N4BP2: variants seen among roughly 807,000 people sequenced by gnomAD.
The protein encoded by N4BP2 is NEDD4-binding protein 2.
N4BP2 carries 91 observed loss-of-function variants against 152.8 expected under a neutral mutation model. That is an observed-to-expected ratio of 0.60 (90% confidence interval 0.50 to 0.71). The LOEUF is 0.71. Ranked by LOEUF, N4BP2 falls within the 30% of genes least tolerant of loss-of-function variation. The pLI is 0.00. For synonymous variants in N4BP2, 646 were observed against 705.3 expected (o/e 0.92, Z 1.33); for missense variants, 1,923 against 2,059.1 (o/e 0.93, Z 1.28).
chr4:40,147,541 C>T (rs1320471309), intron 16 of N4BP2, among the ~76,000 whole-genome samples: 2 of 147,560 alleles, frequency 1.4e-5, no homozygotes, highest in East Asian at 4.2e-4. Context: ...CGGGCAGAGG[C>T]GCCCCCCACC....
intron 1 of N4BP2, among the ~76,000 whole-genome samples, chr4:40,060,609 T>A (rs1244242616): frequency 6.6e-6 from 1 of 151,872 alleles, no homozygotes; most frequent in Non-Finnish European, 1.5e-5. Flanking sequence ...TAGATTTTTT[T>A]TTTTTTTTTT....
chr4:40,148,317 G>A (rs756399782), intron 16 of N4BP2, among the ~76,000 whole-genome samples: 2 of 152,178 alleles, frequency 1.3e-5, no homozygotes, highest in African/African-American at 2.4e-5. Flanking sequence ...CACGCATGGC[G>A]GCGCGCGCCT....
At chr4:40,150,388 T>A (rs1452981481) in intron 16 of N4BP2, among the ~76,000 whole-genome samples, 1 of 152,122 alleles carries the variant, frequency 6.6e-6, no homozygotes, top group African/African-American at 2.4e-5. Context: ...TAGGATAGGC[T>A]GGGTGTGATG....
At chr4:40,093,593 T>C (rs1650586604) in intron 2 of N4BP2, among the ~76,000 whole-genome samples, 1 of 150,714 alleles carries the variant, frequency 6.6e-6, no homozygotes, top group South Asian at 2.1e-4. Context: ...TTGTATTATT[T>C]ATTTATTTAT....
rs148202030 is a variant in N4BP2, at chr4:40,102,442, C to T, written c.597C>T (p.Asn199=). Residue 199 remains asparagine, a synonymous_variant, in exon 4 of 18, where the codon AAC becomes AAT. Transcript: ENST00000261435. ...TTTCTACACAAAATATGAATTTGAA[C>T]GGTGAAAATTTAGAGAATTCTGGTT... is the stretch of plus-strand genomic sequence containing the variant. The part of the protein sequence containing the change: ...PIFSTQNMNL[N]GENLENSGST... 543 of 1,612,706 alleles carry T rather than the reference C, an allele frequency of 3.4e-4. No individual in the cohort carries two copies. In the African/African-American group the frequency reaches 5.8e-3, roughly 17 times the overall value.
At chr4:40,186,011 A>ATCT in the N4BP2 span, among the ~76,000 whole-genome samples, 2 of 152,228 alleles carry the variant, frequency 1.3e-5, no homozygotes, top group South Asian at 4.1e-4. Flanking sequence ...GTACTCCTTT[A>ATCT]TCTTCCCATG....
intron 16 of N4BP2, among the ~76,000 whole-genome samples, chr4:40,151,905 G>A (rs1324348750): frequency 2.0e-5 from 3 of 152,094 alleles, no homozygotes; most frequent in African/African-American, 7.2e-5. Context: ...AGGAGTATTA[G>A]GACAATTTAA....
chr4:40,175,477 C>G, the N4BP2 span, among the ~76,000 whole-genome samples: 1 of 151,986 alleles, frequency 6.6e-6, no homozygotes, highest in African/African-American at 2.4e-5. Context: ...GTCTGGAGAT[C>G]TGATGCAAAA....
chr4:40,171,113 G>A, the N4BP2 span, among the ~76,000 whole-genome samples: 1 of 152,164 alleles, frequency 6.6e-6, no homozygotes, highest in Admixed American at 6.5e-5. Flanking sequence ...AAGGCATTTA[G>A]GTATATTTAG....
At chr4:40,125,607 C>T (rs1321221236) in intron 11 of N4BP2, among the ~76,000 whole-genome samples, 2 of 152,016 alleles carry the variant, frequency 1.3e-5, no homozygotes, top group South Asian at 2.1e-4. Context: ...ACAGCCTGGC[C>T]GGGTGCGGTG....
At chr4:40,158,471 T>C (rs1428295426), downstream of N4BP2, among the ~76,000 whole-genome samples, 1 of 152,164 alleles carries the variant, frequency 6.6e-6, no homozygotes, top group Non-Finnish European at 1.5e-5. Context: ...CCTCACACCC[T>C]GTATCTTTTA....
chr4:40,100,167 C>T (rs913376122), intron 3 of N4BP2: 21 of 438,068 alleles, frequency 4.8e-5, no homozygotes, highest in African/African-American at 6.1e-5. Flanking sequence ...ATGAGAAAAT[C>T]GAGGTTTAGG....
downstream of N4BP2, among the ~76,000 whole-genome samples, chr4:40,159,670 G>A (rs1052182848): frequency 3.9e-5 from 6 of 152,138 alleles, no homozygotes; most frequent in Admixed American, 2.6e-4. Context: ...TAGCTGCGAG[G>A]GAGGCTGGGA....
intron 1 of N4BP2, among the ~76,000 whole-genome samples, chr4:40,064,031 C>G (rs1277999352): frequency 6.6e-6 from 1 of 152,028 alleles, no homozygotes; most frequent in Non-Finnish European, 1.5e-5. Context: ...CTCCTGAGCT[C>G]AAGTGATCCT....
chr4:40,122,165 G>A lies in N4BP2; in HGVS notation c.4054G>A (p.Val1352Ile). The change falls in exon 9 of 18, where the codon GTT becomes ATT. Residue 1352 changes from valine to isoleucine, a missense_variant. Val to Ile is a conservative substitution (Grantham distance 29). Transcript: ENST00000261435. Reference sequence around the variant, plus strand: ...GGCAGGAAGTAGTTTATCAGCTGGAGTTAGTGGGGAAGATAAAACCGAGAT... The same window carrying A: ...GGCAGGAAGTAGTTTATCAGCTGGAATTAGTGGGGAAGATAAAACCGAGAT... Reference protein sequence around the residue: ...LMAGSSLSAGVSGEDKTEILN... With the variant: ...LMAGSSLSAGISGEDKTEILN... 6.2e-7 allele frequency: 1 copy of A among 1,613,730 alleles called. No individual in the cohort carries two copies. Among genetic ancestry groups the A allele is most frequent in the East Asian group, 2.2e-5 (1 of 44,878 alleles).
In N4BP2 at chr4:40,121,409, G is replaced by A; in HGVS notation, c.3298G>A (p.Gly1100Arg). 6.2e-7 allele frequency: 1 copy of A among 1,612,110 alleles called. No homozygotes were observed. Among genetic ancestry groups the A allele is most frequent in the Non-Finnish European group, 8.5e-7 (1 of 1,179,496 alleles). The change falls in exon 9 of 18, where the codon GGA becomes AGA. Residue 1100 changes from glycine (G) to arginine (R), a missense_variant. Physicochemically the swap from Gly to Arg is moderately radical, Grantham distance 125. Transcript: ENST00000261435. Reference protein sequence around the residue: ...ENLNILCKLFGSFSLEALKDL... With the variant: ...ENLNILCKLFRSFSLEALKDL... Reference sequence around the variant, plus strand: ...TCTTAACATTCTTTGTAAACTGTTTGGATCCTTTTCATTAGAAGCCCTGAA... The same window carrying A: ...TCTTAACATTCTTTGTAAACTGTTTAGATCCTTTTCATTAGAAGCCCTGAA...
chr4:40,152,272 A>G (rs1370675503), intron 16 of N4BP2, among the ~76,000 whole-genome samples: 1 of 152,204 alleles, frequency 6.6e-6, no homozygotes, highest in Non-Finnish European at 1.5e-5. Flanking sequence ...AATAGGCACA[A>G]AAGAAGCTAA....
chr4:40,123,109 T>C lies in N4BP2; in HGVS notation c.4199-18T>C. On this transcript the variant is annotated intron_variant, in intron 9 of 17. Coordinates refer to ENST00000261435, the MANE Select transcript of N4BP2 (RefSeq NM_018177.6). ...TGAGTAATGATTACATTTTCTTCCC[T>C]CCCCCTTCCCCCACAAGGGTCTCTA... 1 of 1,530,504 alleles carries C rather than the reference T, an allele frequency of 6.5e-7. No homozygotes were observed. The highest frequency in any genetic ancestry group is 9.0e-7 in the Non-Finnish European group (1 of 1,112,854). 94.8% of individuals were successfully genotyped at this position (1,530,504 alleles called of 1,614,324 possible).
chr4:40,136,845 T>C, intron 13 of N4BP2, 99 bp from the exon 14 acceptor site: 1 of 859,150 alleles, frequency 1.2e-6, no homozygotes, highest in Non-Finnish European at 1.7e-6. Flanking sequence ...AAGCCAGTTT[T>C]TCATATTCTT....
Sources: gnomAD v4.1 joint callset for allele counts (sites outside exome capture counted in the v4.1 genomes callset) on GRCh38, gnomAD v4.1.1 for gene constraint, MANE v1.5 for transcripts, NCBI Gene and HGNC (gene_info 2026-07-23, HGNC 2026-07-21) for gene names.